The following STAB2 variants were observed in gnomAD, a reference collection of about 807,000 sequenced individuals.
The protein encoded by STAB2 is stabilin-2.
In STAB2, 288 loss-of-function variants were observed where a neutral mutation model predicts 338.1. The observed-to-expected ratio is 0.85, with a 90% CI of 0.77 to 0.94. The LOEUF is 0.94. STAB2 is among the 40% of genes least tolerant of loss of function. The pLI is 0.00. For missense variants in STAB2, 3,141 were observed against 3,210.1 expected (o/e 0.98, Z 0.52); for synonymous variants, 1,202 against 1,193.3 (o/e 1.01, Z -0.15).
intron 51 of STAB2, among the ~76,000 whole-genome samples, chr12:103,734,182 ATAGGAG>A (rs1881898405): frequency 7.2e-6 from 1 of 139,642 alleles, no homozygotes; most frequent in Non-Finnish European, 1.6e-5. Context: ...GCACGATCAT[ATAGGAG>A]CAAGCACGAT....
chr12:103,692,015 T>C (rs1877979792), intron 30 of STAB2, among the ~76,000 whole-genome samples: 2 of 152,216 alleles, frequency 1.3e-5, no homozygotes, highest in African/African-American at 4.8e-5. Flanking sequence ...ACCATCTGTA[T>C]TAGTTTGCCA....
chr12:103,680,779 G>A (rs970720657), intron 25 of STAB2, among the ~76,000 whole-genome samples: 12 of 152,262 alleles, frequency 7.9e-5, no homozygotes, highest in African/African-American at 2.9e-4. Context: ...GAGGGGGAGT[G>A]ATGGTGTCCC....
intron 49 of STAB2, 137 bp downstream of exon 49, chr12:103,730,393 C>CATT: frequency 9.9e-7 from 1 of 1,010,718 alleles, no homozygotes; most frequent in African/African-American, 1.7e-5. Context: ...GCCTAGTAAA[C>CATT]ATTATTCTTA....
At chr12:103,762,200 C>A in intron 66 of STAB2, 74 bp from the exon 67 acceptor site, 1 of 1,584,280 alleles carries the variant, frequency 6.3e-7, no homozygotes, top group Non-Finnish European at 8.6e-7. Context: ...CAGAATGCCT[C>A]GGGCCACCAA....
intron 57 of STAB2, 195 bp from the exon 58 acceptor site, chr12:103,746,402 C>T (rs1883036843): frequency 1.8e-6 from 1 of 560,126 alleles, no homozygotes; most frequent in Admixed American, 2.9e-5. Flanking sequence ...TCATGTCTTA[C>T]TATAAAAGAG....
In STAB2 at chr12:103,755,659, T is replaced by C; in HGVS notation, c.6928T>C (p.Cys2310Arg). 6.2e-7 allele frequency: 1 copy of C among 1,614,190 alleles called. No individual in the cohort carries two copies. Among genetic ancestry groups the C allele is most frequent in the Non-Finnish European group, 8.5e-7 (1 of 1,180,040 alleles). ...KVGYVGDGFSCSGNLLQVLMS... is the reference protein window; with the variant it reads ...KVGYVGDGFSRSGNLLQVLMS... ...GGGCTATGTGGGAGATGGCTTCTCA[T>C]GCAGTGGGAACCTGCTGCAGGTCCT... Residue 2310 changes from cysteine to arginine, a missense_variant, in exon 63 of 69, where the codon TGC (cysteine) becomes CGC (arginine). Cys to Arg is a radical substitution (Grantham distance 180). Coordinates refer to ENST00000388887, the MANE Select transcript of STAB2 (RefSeq NM_017564.10).
At chr12:103,695,329 G>A (rs897698895) in intron 31 of STAB2, among the ~76,000 whole-genome samples, 8 of 152,276 alleles carry the variant, frequency 5.3e-5, no homozygotes, top group Admixed American at 1.3e-4. Context: ...GAGGTTTAAC[G>A]GTAAGGCATA....
chr12:103,670,767 C>T lies in STAB2; in HGVS notation c.2331C>T (p.Phe777=). 6.2e-7 allele frequency: 1 copy of T among 1,614,152 alleles called. No individual in the cohort carries two copies. The highest frequency in any genetic ancestry group is 8.5e-7 in the Non-Finnish European group (1 of 1,180,018). ...GCTTCCAAGGCTCCCAGTGTCAGTT[C>T]TGCTCTGATCCCAATAAATACGGAC... is the stretch of plus-strand genomic sequence containing the variant. ...EEGFQGSQCQ[F]CSDPNKYGPR... Residue 777 remains phenylalanine, a synonymous_variant, in exon 22 of 69, where the codon TTC becomes TTT. Transcript: ENST00000388887.
chr12:103,741,917 C>T (rs950860530), intron 55 of STAB2, among the ~76,000 whole-genome samples: 4 of 152,338 alleles, frequency 2.6e-5, no homozygotes, highest in Admixed American at 6.5e-5. Flanking sequence ...GCCCCCATGA[C>T]CACCCAGCTC....
chr12:103,714,005 G>A (rs544093459), intron 42 of STAB2, among the ~76,000 whole-genome samples: 5 of 152,320 alleles, frequency 3.3e-5, no homozygotes, highest in East Asian at 3.9e-4. Context: ...ACATCATGGC[G>A]ATGACAGAAC....
intron 9 of STAB2, among the ~76,000 whole-genome samples, chr12:103,646,034 A>C (rs564022811): frequency 6.6e-6 from 1 of 152,300 alleles, no homozygotes; most frequent in African/African-American, 2.4e-5. Context: ...CTGTAATCCC[A>C]GCACTTTGGG....
intron 33 of STAB2, among the ~76,000 whole-genome samples, chr12:103,698,195 A>G (rs1878564885): frequency 6.6e-6 from 1 of 152,120 alleles, no homozygotes; most frequent in South Asian, 2.1e-4. Context: ...CCCCTTGCAA[A>G]GGAGAAATGT....
chr12:103,654,656 A>T lies in STAB2; in HGVS notation c.1509A>T (p.Arg503Ser). The T allele has an allele frequency of 6.2e-7, 1 of 1,614,192 alleles. No individual in the cohort carries two copies. The highest frequency in any genetic ancestry group is 8.5e-7 in the Non-Finnish European group (1 of 1,180,008). The part of the protein sequence containing the change: ...ASNGLLHILD[R>S]AMDKLEPTFE... ...ATGGGCTTCTGCACATCCTTGACAG[A>T]GCCATGGACAAGTTAGAACCCACAT... The change falls in exon 13 of 69, where the codon AGA becomes AGT. Residue 503 changes from arginine (R) to serine (S), a missense_variant. Coordinates refer to ENST00000388887, the MANE Select transcript of STAB2 (RefSeq NM_017564.10).
chr12:103,629,302 C>A (rs954547338), intron 5 of STAB2, among the ~76,000 whole-genome samples: 2 of 152,196 alleles, frequency 1.3e-5, no homozygotes, highest in African/African-American at 4.8e-5. Context: ...CATGTCTGAA[C>A]AGAGACTCAA....
chr12:103,627,845 T>C (rs1162151161), intron 5 of STAB2, among the ~76,000 whole-genome samples: 2 of 152,162 alleles, frequency 1.3e-5, no homozygotes, highest in African/African-American at 2.4e-5. Flanking sequence ...TGACAACAAT[T>C]AGGGCAGGAA....
intron 25 of STAB2, among the ~76,000 whole-genome samples, chr12:103,682,895 C>T (rs1877052629): frequency 6.6e-6 from 1 of 152,146 alleles, no homozygotes; most frequent in Admixed American, 6.5e-5. Context: ...TTGCAGTGAG[C>T]CAAGATCATG....
intron 27 of STAB2, among the ~76,000 whole-genome samples, chr12:103,685,452 G>GCA (rs1877325210): frequency 7.2e-6 from 1 of 138,398 alleles, no homozygotes; most frequent in Non-Finnish European, 1.6e-5. Context: ...GTGTGTGTGT[G>GCA]TGCGCGTGCG....
Position 103,746,704 on chromosome 12 carries a change from G to T in STAB2, c.6244G>T (p.Val2082Phe). Reference protein sequence around the residue: ...DYEGDGITCTVVDFCKQDNGG... With the variant: ...DYEGDGITCTFVDFCKQDNGG... ...TGAAGGTGACGGAATCACATGCACAGGTAAGCCACCTTTGTGCACAGGTGA... is the reference window on the plus strand; with the variant it reads ...TGAAGGTGACGGAATCACATGCACATGTAAGCCACCTTTGTGCACAGGTGA... Residue 2082 changes from valine to phenylalanine, a missense_variant and splice_region_variant, in exon 58 of 69, where the codon GTT (valine) becomes TTT (phenylalanine). By Grantham distance (50) the Val-to-Phe change is conservative. Coordinates refer to ENST00000388887, the MANE Select transcript of STAB2 (RefSeq NM_017564.10). 6.2e-7 allele frequency: 1 copy of T among 1,613,472 alleles called. No homozygotes were observed. Among genetic ancestry groups the T allele is most frequent in the Non-Finnish European group, 8.5e-7 (1 of 1,179,682 alleles).
At chr12:103,760,963 G>A (rs1452356751) in intron 65 of STAB2, among the ~76,000 whole-genome samples, 4 of 151,010 alleles carry the variant, frequency 2.6e-5, no homozygotes, top group Admixed American at 6.6e-5. Context: ...GTGGTGCGAT[G>A]TTCAGTGCAT....
Sources: allele counts gnomAD v4.1 joint callset (sites outside exome capture counted in the v4.1 genomes callset), GRCh38; gene constraint gnomAD v4.1.1; transcripts MANE v1.5; gene names NCBI Gene and HGNC (gene_info 2026-07-23, HGNC 2026-07-21).